Variants in CCAR1 observed in about 807,000 individuals in gnomAD.
CCAR1 encodes the protein cell division cycle and apoptosis regulator protein 1.
A neutral mutation model predicts 163.8 loss-of-function variants in CCAR1; 78 were observed. The ratio of observed to expected loss-of-function variants is 0.48; its 90% CI spans 0.40 to 0.57. The LOEUF (loss-of-function observed/expected upper bound fraction) is 0.57, where lower values mean the gene tolerates loss of function less well. Among genes scored for constraint, CCAR1 ranks in the 20% least tolerant of loss-of-function variants. The probability of loss-of-function intolerance (pLI) is 0.00; values close to 1 mark genes in which losing one functional copy is unlikely to be tolerated. For missense variants in CCAR1, 1,019 were observed against 1,365.2 expected (o/e 0.75, Z 4.00); for synonymous variants, 443 against 460.7 (o/e 0.96, Z 0.49).
chr10:68,727,505 C>T (rs1250592171), intron 2 of CCAR1, among the ~76,000 whole-genome samples: 2 of 152,116 alleles, frequency 1.3e-5, no homozygotes, highest in Non-Finnish European at 2.9e-5. Context: ...TTTTCTCATT[C>T]GTCTGCAAAA....
At chr10:68,729,569 C>T (rs1303617401) in intron 2 of CCAR1, among the ~76,000 whole-genome samples, 1 of 151,880 alleles carries the variant, frequency 6.6e-6, no homozygotes. Flanking sequence ...GCGCCCGGCT[C>T]TTGGTGACTT....
At chr10:68,784,552 A>G (rs926745645) in intron 19 of CCAR1, among the ~76,000 whole-genome samples, 5 of 152,142 alleles carry the variant, frequency 3.3e-5, no homozygotes, top group African/African-American at 7.2e-5. Context: ...TGTGGGTCAG[A>G]TGCTATCAAA....
chr10:68,721,499 C>G (rs1228877299), intron 1 of CCAR1: 1 of 432,012 alleles, frequency 2.3e-6, no homozygotes, highest in African/African-American at 2.1e-5. Context: ...CCCCACCGCT[C>G]GGCTCCTCAG....
intron 2 of CCAR1, among the ~76,000 whole-genome samples, chr10:68,729,511 C>T (rs2056002970): frequency 6.6e-6 from 1 of 151,602 alleles, no homozygotes; most frequent in Non-Finnish European, 1.5e-5. Flanking sequence ...CCTTGTGATC[C>T]ACCCGCCTCG....
chr10:68,775,112 C>A (rs1251871543), intron 19 of CCAR1: 1 of 196,512 alleles, frequency 5.1e-6, no homozygotes, highest in Non-Finnish European at 1.1e-5. Flanking sequence ...AACTTTGATT[C>A]AATAATTGTT....
chr10:68,761,694 C>T (rs2056473170), intron 16 of CCAR1, among the ~76,000 whole-genome samples: 1 of 151,882 alleles, frequency 6.6e-6, no homozygotes, highest in South Asian at 2.1e-4. Flanking sequence ...CCTCCACCTC[C>T]CAGGTTCAAG....
Position 68,737,880 on chromosome 10 carries a change from G to A in CCAR1, c.282G>A (p.Val94=). The A allele has an allele frequency of 1.9e-6, 3 of 1,591,326 alleles. No homozygotes were observed. Among genetic ancestry groups the A allele is most frequent in the Non-Finnish European group, 2.6e-6 (3 of 1,170,664 alleles). The change falls in exon 4 of 25, where the codon GTG becomes GTA. Residue 94 remains valine (V), a synonymous_variant. Coordinates refer to ENST00000265872, the MANE Select transcript of CCAR1 (RefSeq NM_018237.4). ...YSQPQQALYS[V]QQQLQQPQQT... ...AACCTCAGCAGGCCCTGTATAGTGT[G>A]CAACAACAGGTTAGTTTATATTTTC...
chr10:68,731,532 TC>T (rs1335741121), intron 2 of CCAR1, among the ~76,000 whole-genome samples: 7 of 152,104 alleles, frequency 4.6e-5, no homozygotes, highest in Non-Finnish European at 8.8e-5. Context: ...TAAATTATCT[TC>T]CTATCAATTT....
chr10:68,773,856 G>T (rs1001385682), intron 19 of CCAR1, among the ~76,000 whole-genome samples: 1 of 151,848 alleles, frequency 6.6e-6, no homozygotes, highest in Non-Finnish European at 1.5e-5. Flanking sequence ...GGGACTACAG[G>T]TGCTTGCCAC....
intron 10 of CCAR1, among the ~76,000 whole-genome samples, chr10:68,752,892 ATAG>A: frequency 1.1e-5 from 1 of 90,694 alleles, no homozygotes; most frequent in African/African-American, 4.6e-5. Context: ...GAATAGATAG[ATAG>A]ATAGATAGAT....
At chr10:68,722,390 G>T in intron 1 of CCAR1, 65 bp from the exon 2 acceptor site, 1 of 831,566 alleles carries the variant, frequency 1.2e-6, no homozygotes, top group African/African-American at 1.7e-5. Flanking sequence ...TCTTTCTATT[G>T]TAATATCCTT....
In CCAR1 at chr10:68,722,517, G is replaced by C; in HGVS notation, c.13G>C (p.Gly5Arg). The C allele has an allele frequency of 1.2e-6, 2 of 1,613,716 alleles. No individual in the cohort carries two copies. The highest frequency in any genetic ancestry group is 1.7e-6 in the Non-Finnish European group (2 of 1,179,700). Residue 5 changes from glycine to arginine, a missense_variant, in exon 2 of 25, where the codon GGA (glycine) becomes CGA (arginine). This residue lies in a region of CCAR1 where 644 missense variants were observed against 904.4 expected (regional missense o/e 0.71). Coordinates refer to ENST00000265872, the MANE Select transcript of CCAR1 (RefSeq NM_018237.4). ...TTCCTTTTGCATCATGGCTCAATTT[G>C]GAGGACAGAAGAATCCGCCATGGGC... Reference protein sequence around the residue: MAQFGGQKNPPWATQ... With the variant: MAQFRGQKNPPWATQ...
At chr10:68,727,736 C>T (rs989182258) in intron 2 of CCAR1, among the ~76,000 whole-genome samples, 5 of 152,120 alleles carry the variant, frequency 3.3e-5, no homozygotes, top group Admixed American at 1.3e-4. Flanking sequence ...TGTAAAGAGA[C>T]GTTGAGAGAA....
chr10:68,736,902 C>T lies in CCAR1; in HGVS notation c.100C>T (p.Leu34Phe), dbSNP rs770872831. ...PAALGVQQPS[L>F]LGASPTIYTQ... Reference sequence around the variant, plus strand: ...TGCACTGGGTGTTCAACAGCCATCACTCCTTGGAGCATCTCCTACCATTTA... The same window carrying T: ...TGCACTGGGTGTTCAACAGCCATCATTCCTTGGAGCATCTCCTACCATTTA... The change falls in exon 3 of 25, where the codon CTC (leucine) becomes TTC (phenylalanine). Residue 34 changes from leucine (L) to phenylalanine (F), a missense_variant. Coordinates refer to ENST00000265872, the MANE Select transcript of CCAR1 (RefSeq NM_018237.4). The T allele has an allele frequency of 1.2e-6, 2 of 1,613,540 alleles. No homozygotes were observed. Among genetic ancestry groups the T allele is most frequent in the South Asian group, 1.1e-5 (1 of 91,046 alleles).
intron 6 of CCAR1, among the ~76,000 whole-genome samples, chr10:68,746,684 TCTC>T (rs1430404975): frequency 3.9e-5 from 6 of 152,056 alleles, no homozygotes; most frequent in African/African-American, 1.2e-4. Context: ...TTCAAGCAAT[TCTC>T]CTGCCTCAGC....
At chr10:68,788,829 T>A (rs1401967582) in intron 23 of CCAR1, among the ~76,000 whole-genome samples, 2 of 152,140 alleles carry the variant, frequency 1.3e-5, no homozygotes, top group African/African-American at 4.8e-5. Context: ...ATAAAATTGC[T>A]TAGCTTTATC....
At chr10:68,774,389 G>A (rs1360083964) in intron 19 of CCAR1, among the ~76,000 whole-genome samples, 1 of 152,040 alleles carries the variant, frequency 6.6e-6, no homozygotes, top group Non-Finnish European at 1.5e-5. Context: ...TGTAATCTCA[G>A]CACTTTGGGA....
chr10:68,782,269 GA>G, intron 19 of CCAR1, among the ~76,000 whole-genome samples: 1 of 152,106 alleles, frequency 6.6e-6, no homozygotes, highest in Non-Finnish European at 1.5e-5. Flanking sequence ...GAGGTTTAAG[GA>G]AAGCAACCAT....
In CCAR1 at chr10:68,771,364, T is replaced by A; in HGVS notation, c.2457T>A (p.Asp819Glu). ...DERKDKKEER[D>E]DETDEPKPKR... ...GAAAAGATAAAAAAGAAGAAAGAGA[T>A]GATGAAACTGATGAACCAAAACCCA... Residue 819 changes from aspartate to glutamate, a missense_variant, in exon 18 of 25, where the codon GAT becomes GAA. Physicochemically the swap from Asp to Glu is conservative, Grantham distance 45. Around this residue, in one of 4 missense-constraint regions of CCAR1, gnomAD observed 358 missense variants for 406.4 expected, o/e 0.88. Coordinates refer to ENST00000265872, the MANE Select transcript of CCAR1 (RefSeq NM_018237.4). 6.3e-7 allele frequency: 1 copy of A among 1,596,452 alleles called. No individual in the cohort carries two copies. The highest frequency in any genetic ancestry group is 8.6e-7 in the Non-Finnish European group (1 of 1,169,258).
Sources: allele counts gnomAD v4.1 joint callset (sites outside exome capture counted in the v4.1 genomes callset), GRCh38; gene constraint gnomAD v4.1.1; regional missense constraint gnomAD v4.1.1; transcripts MANE v1.5; gene names NCBI Gene and HGNC (gene_info 2026-07-23, HGNC 2026-07-21).